FAM124A: variants seen among roughly 807,000 people sequenced by gnomAD.
FAM124A encodes the protein protein FAM124A.
FAM124A carries 23 observed loss-of-function variants against 24.5 expected under a neutral mutation model. The observed-to-expected ratio is 0.94, with a 90% CI of 0.68 to 1.33. The LOEUF (loss-of-function observed/expected upper bound fraction) is 1.33, where lower values mean the gene tolerates loss of function less well. Ranked by LOEUF, FAM124A falls within the 40% of genes most tolerant of loss-of-function variation. The pLI is 0.00. For synonymous variants in FAM124A, 287 were observed against 314.7 expected, an observed-to-expected ratio of 0.91 and a Z score of 0.93; for missense variants, 623 against 722.8, an observed-to-expected ratio of 0.86 and a Z score of 1.58.
At chr13:51,222,749 C>T (rs1403123936) in intron 1 of FAM124A, among the ~76,000 whole-genome samples, 180 bp downstream of exon 1, 3 of 152,146 alleles carry the variant, frequency 2.0e-5, no homozygotes, top group East Asian at 3.9e-4. Flanking sequence ...GCGGGCACCA[C>T]CCGGGGGGAG....
At chr13:51,259,126 T>C (rs1231107638) in intron 3 of FAM124A, among the ~76,000 whole-genome samples, 1 of 152,170 alleles carries the variant, frequency 6.6e-6, no homozygotes, top group African/African-American at 2.4e-5. Context: ...TCCTCTCTCA[T>C]GAGACCACTT....
intron 3 of FAM124A, chr13:51,252,481 A>C: frequency 2.0e-6 from 1 of 499,160 alleles, no homozygotes; most frequent in Non-Finnish European, 3.5e-6. Flanking sequence ...GCATCCACTA[A>C]ACACCCATGA....
chr13:51,280,311 G>A, intron 3 of FAM124A, 139 bp from the exon 4 acceptor site: 1 of 772,090 alleles, frequency 1.3e-6, no homozygotes, highest in Non-Finnish European at 2.0e-6. Flanking sequence ...CTTTGCTCTA[G>A]AGATTGCAGA....
chr13:51,276,257 G>A (rs1211522153), intron 3 of FAM124A, among the ~76,000 whole-genome samples: 1 of 152,124 alleles, frequency 6.6e-6, no homozygotes, highest in Non-Finnish European at 1.5e-5. Context: ...CACAGGGGGT[G>A]CTAATTATCA....
chr13:51,252,648 T>G, intron 3 of FAM124A: 1 of 173,510 alleles, frequency 5.8e-6, no homozygotes, highest in Non-Finnish European at 1.2e-5. Flanking sequence ...TTAAAATATA[T>G]ATTGATGTTC....
chr13:51,232,378 T>C (rs571856117), intron 2 of FAM124A, among the ~76,000 whole-genome samples: 2 of 152,334 alleles, frequency 1.3e-5, no homozygotes, highest in Admixed American at 1.3e-4. Context: ...TATTAAATTG[T>C]TTTGCCCTAT....
At chr13:51,270,727 G>A (rs1393913923) in intron 3 of FAM124A, among the ~76,000 whole-genome samples, 2 of 152,210 alleles carry the variant, frequency 1.3e-5, no homozygotes, top group African/African-American at 4.8e-5. Flanking sequence ...ATCTACAATG[G>A]CCATGACGTC....
intron 3 of FAM124A, among the ~76,000 whole-genome samples, chr13:51,260,415 T>C (rs970829319): frequency 6.6e-6 from 1 of 152,184 alleles, no homozygotes; most frequent in Non-Finnish European, 1.5e-5. Flanking sequence ...CCAGAAGTGG[T>C]GACAGACTAT....
intron 3 of FAM124A, among the ~76,000 whole-genome samples, chr13:51,265,941 T>C (rs1954780784): frequency 6.6e-6 from 1 of 152,206 alleles, no homozygotes; most frequent in African/African-American, 2.4e-5. Context: ...CAAATTACTT[T>C]CAAGTGGCTC....
In FAM124A at chr13:51,251,860, G is replaced by A. The variant is rs1261171304; in HGVS notation, c.493G>A (p.Val165Met). The change falls in exon 3 of 4, where the codon GTG becomes ATG. Residue 165 changes from valine to methionine, a missense_variant. Val to Met is a conservative substitution (Grantham distance 21). Transcript: ENST00000322475. The surrounding 1 kb of genome is among the most constrained non-coding windows in gnomAD (Gnocchi z 5.3). Reference protein sequence around the residue: ...PGTPLWAIRPVHYGKEIVRFT... With the variant: ...PGTPLWAIRPMHYGKEIVRFT... ...GACGCCGCTTTGGGCCATCCGGCCC[G>A]TGCACTACGGCAAGGAAATCGTGCG... 3 of 1,613,230 alleles carry A rather than the reference G, an allele frequency of 1.9e-6. No individual in the cohort carries two copies. The highest frequency in any genetic ancestry group is 1.7e-6 in the Non-Finnish European group (2 of 1,179,720).
intron 1 of FAM124A, 121 bp downstream of exon 1, chr13:51,222,690 T>A: frequency 4.0e-6 from 4 of 992,876 alleles, no homozygotes; most frequent in Non-Finnish European, 5.1e-6. Context: ...CTTCTCCTCC[T>A]GCCGGATCCC....
chr13:51,259,536 C>T (rs1388281742), intron 3 of FAM124A, among the ~76,000 whole-genome samples: 3 of 152,102 alleles, frequency 2.0e-5, no homozygotes, highest in Non-Finnish European at 2.9e-5. Context: ...GCCTCACCCC[C>T]GCAGGTCTCC....
At chr13:51,250,201 T>C (rs1265290487) in intron 2 of FAM124A, among the ~76,000 whole-genome samples, 1 of 144,968 alleles carries the variant, frequency 6.9e-6, no homozygotes, top group Non-Finnish European at 1.6e-5. Context: ...AAAATTTTCA[T>C]CCTGTGACTT....
At chr13:51,229,628 G>A (rs1001050899) in intron 1 of FAM124A, among the ~76,000 whole-genome samples, 1 of 152,044 alleles carries the variant, frequency 6.6e-6, no homozygotes, top group African/African-American at 2.4e-5. Flanking sequence ...TAGAAATATC[G>A]CCATTCTTAT....
intron 3 of FAM124A, among the ~76,000 whole-genome samples, chr13:51,264,189 A>G (rs1954763196): frequency 6.6e-6 from 1 of 152,196 alleles, no homozygotes; most frequent in Admixed American, 6.5e-5. Context: ...CTATTTGTCC[A>G]ACTTTGGAAG....
rs752798541 is a variant in FAM124A at position 51,252,211 on chromosome 13, G to T, written c.834+10G>T. 60 of 1,609,144 alleles carry T rather than the reference G, an allele frequency of 3.7e-5. 1 individual carries two copies. In the South Asian group the frequency reaches 6.3e-4, roughly 17 times the overall value. ...CAAGATCCTCCTACAGGTACTGGGG[G>T]GACGCCTGTCTGTCTGTTTAGGGGA... On this transcript the variant is annotated intron_variant, in intron 3 of 3. Coordinates refer to ENST00000322475, the MANE Select transcript of FAM124A (RefSeq NM_001242312.2).
At chr13:51,224,230 T>A (rs7333287) in intron 1 of FAM124A, among the ~76,000 whole-genome samples, 70,087 of 152,178 alleles carry the variant, frequency 0.46, 16,889 homozygotes, top group East Asian at 0.65. Context: ...GCACTTTGGG[T>A]GGCCGAGGTG....
chr13:51,280,504 GAGA>G lies in FAM124A; in HGVS notation c.894_896del (p.Lys299del). ...ACCTGGCAGAGTACATCATGCCTCC[GAGA>G]AGAAACGTCATTCCACTCCTTTGCC... On this transcript the variant is annotated inframe_deletion, in exon 4 of 4. Coordinates refer to ENST00000322475, the MANE Select transcript of FAM124A (RefSeq NM_001242312.2). The G allele has an allele frequency of 6.2e-7, 1 of 1,613,728 alleles. No individual in the cohort carries two copies.
In FAM124A at chr13:51,251,380, G is replaced by A. The variant is rs564958009; in HGVS notation, c.101-88G>A. 740 of 1,393,024 alleles carry A rather than the reference G, an allele frequency of 5.3e-4. 12 individuals are homozygous for A. The South Asian group carries it at 0.015, about 29-fold the overall frequency. The allele number at this position is 1,393,024 out of a possible 1,614,324, so 86.3% of individuals were successfully genotyped here. On this transcript the variant is annotated intron_variant, in intron 2 of 3. Transcript: ENST00000322475. This position sits in a 1 kb window ranked among gnomAD's most constrained non-coding sequence, Gnocchi z 5.3. ...CAGTTAGAATTTGACTTCTCTTCCT[G>A]TCAAGCCTGTACACGTCATCACTGG...
Sources: allele counts gnomAD v4.1 joint callset (sites outside exome capture counted in the v4.1 genomes callset), GRCh38; gene constraint gnomAD v4.1.1; non-coding constraint Gnocchi (gnomAD v3.1); transcripts MANE v1.5; gene names NCBI Gene and HGNC (gene_info 2026-07-23, HGNC 2026-07-21).